LAMA2: variants seen among roughly 807,000 people sequenced by gnomAD.
The protein encoded by LAMA2 is laminin subunit alpha-2.
Under a neutral mutation model 364.8 loss-of-function variants are expected in LAMA2, and 269 were observed. That is an observed-to-expected ratio of 0.74 (90% CI 0.67 to 0.82). LAMA2 has a LOEUF of 0.82. Among genes scored for constraint, LAMA2 ranks in the 40% least tolerant of loss-of-function variants. The probability of loss-of-function intolerance (pLI) is 0.00; values close to 1 mark genes in which losing one functional copy is unlikely to be tolerated. For synonymous variants in LAMA2, 1,379 were observed against 1,370.6 expected, an observed-to-expected ratio of 1.01 and a Z score of -0.14; for missense variants, 3,807 against 3,873.2, an observed-to-expected ratio of 0.98 and a Z score of 0.45.
intron 22 of LAMA2, 104 bp downstream of exon 22, chr6:129,300,976 A>G: frequency 1.1e-6 from 1 of 939,372 alleles, no homozygotes; most frequent in Admixed American, 1.7e-5. Context: ...TCACAAAATA[A>G]TGTAGAAGTA....
intron 8 of LAMA2, chr6:129,158,877 A>G (rs1440275026): frequency 9.3e-6 from 15 of 1,612,930 alleles, no homozygotes; most frequent in Admixed American, 5.0e-5. Context: ...ATGGCAAAGC[A>G]ACGTCCATTA....
chr6:129,312,423 A>G (rs566555188), intron 22 of LAMA2, among the ~76,000 whole-genome samples: 5 of 152,334 alleles, frequency 3.3e-5, no homozygotes, highest in Admixed American at 6.5e-5. Context: ...TGCTTATTCT[A>G]TCATGTTATG....
In LAMA2 at chr6:129,456,458, A is replaced by C; in HGVS notation, c.6831A>C (p.Ala2277=). Residue 2277 remains alanine (A), a synonymous_variant, in exon 48 of 65, where the codon GCA becomes GCC. Coordinates refer to ENST00000421865, the MANE Select transcript of LAMA2 (RefSeq NM_000426.4). ...CGATTCTAGATGTGGATGCAAATGC[A>C]ATGCTGTTTGTTGGTGGCCTGACTG... ...GYTILDVDAN[A]MLFVGGLTGK... The C allele has an allele frequency of 6.2e-7, 1 of 1,613,564 alleles. No homozygotes were observed. The highest frequency in any genetic ancestry group is 8.5e-7 in the Non-Finnish European group (1 of 1,179,606).
At chr6:129,205,278 G>A (rs980068855) in intron 12 of LAMA2, among the ~76,000 whole-genome samples, 7 of 151,678 alleles carry the variant, frequency 4.6e-5, no homozygotes, top group African/African-American at 1.2e-4. Context: ...TGTAGTCCCA[G>A]CTACTTGAGA....
At chr6:128,950,443 C>G (rs955628661) in intron 1 of LAMA2, among the ~76,000 whole-genome samples, 11 of 152,092 alleles carry the variant, frequency 7.2e-5, no homozygotes, top group Non-Finnish European at 1.6e-4. Context: ...GGAGCCAGGC[C>G]ACGTGGGTAG....
At chr6:128,939,605 G>A (rs1010656368) in intron 1 of LAMA2, among the ~76,000 whole-genome samples, 3 of 152,046 alleles carry the variant, frequency 2.0e-5, no homozygotes, top group African/African-American at 7.2e-5. Context: ...TCCACCCAAC[G>A]ATGAAAGACC....
At chr6:128,888,847 T>G (rs1040681650) in intron 1 of LAMA2, among the ~76,000 whole-genome samples, 15 of 152,358 alleles carry the variant, frequency 9.8e-5, no homozygotes, top group Admixed American at 3.3e-4. Context: ...CAGGTTTTTT[T>G]GTCTCAAATA....
intron 11 of LAMA2, among the ~76,000 whole-genome samples, 174 bp from the exon 12 acceptor site, chr6:129,192,506 G>A (rs1008208049): frequency 5.3e-5 from 8 of 152,134 alleles, no homozygotes; most frequent in Non-Finnish European, 1.2e-4. Context: ...GCCTATGTGA[G>A]TACATATAAT....
chr6:129,276,907 A>T (rs1395136760), intron 17 of LAMA2, among the ~76,000 whole-genome samples: 1 of 152,164 alleles, frequency 6.6e-6, no homozygotes, highest in Non-Finnish European at 1.5e-5. Context: ...ATACATAAAC[A>T]TATATAGATT....
chr6:129,450,383 G>A (rs1307746523), intron 45 of LAMA2, among the ~76,000 whole-genome samples: 1 of 151,438 alleles, frequency 6.6e-6, no homozygotes, highest in Non-Finnish European at 1.5e-5. Flanking sequence ...ACAGTGGCAC[G>A]ATCTCAGCTC....
chr6:129,119,838 G>C (rs7758532), intron 4 of LAMA2, among the ~76,000 whole-genome samples: 38,958 of 152,078 alleles, frequency 0.26, 5,773 homozygotes, highest in African/African-American at 0.42. Flanking sequence ...GTGAGCCACT[G>C]CTCCCGGCCC....
chr6:129,134,500 T>G (rs1286166286), intron 4 of LAMA2, among the ~76,000 whole-genome samples: 1 of 152,110 alleles, frequency 6.6e-6, no homozygotes, highest in Non-Finnish European at 1.5e-5. Flanking sequence ...TCCCCAACCT[T>G]TTTGGTACCA....
At chr6:129,255,985 T>C (rs762176706) in intron 14 of LAMA2, among the ~76,000 whole-genome samples, 1 of 152,226 alleles carries the variant, frequency 6.6e-6, no homozygotes, top group Non-Finnish European at 1.5e-5. Flanking sequence ...TCCATAAGTG[T>C]TGGATTCGTT....
intron 4 of LAMA2, among the ~76,000 whole-genome samples, chr6:129,113,092 G>A (rs1776252116): frequency 6.6e-6 from 1 of 152,012 alleles, no homozygotes; most frequent in African/African-American, 2.4e-5. Context: ...AGCAGCATAA[G>A]GAATAGAAAC....
In LAMA2 at chr6:128,960,462, AC is replaced by A. The variant is rs201946370; in HGVS notation, c.112+77109del. On this transcript the variant is annotated intron_variant, in intron 1 of 64. Transcript: ENST00000421865. The stretch of plus-strand genomic sequence containing the variant: ...CCAGCGATTCTCCGGCCTTGGCCCC[AC>A]CCCGCCCCCGCCGACCCCCATGAGT... Among the ~76,000 whole-genome samples the A allele has an allele frequency of 6.0e-5, 6 of 99,584 alleles. 1 individual carries two copies. The highest frequency in any genetic ancestry group is 2.4e-4 in the African/African-American group (6 of 24,912). The allele number at this position is 99,584 out of a possible 152,430, so 65.3% of individuals were successfully genotyped here.
rs1041484436 is a variant in LAMA2 at position 128,986,732 on chromosome 6, T to TA, written c.113-63177dup. ...CATCTACAATCAAATTACCTTTTTT[T>TA]AAAAAAAAATCACTTGAAAAAATTA... On this transcript the variant is annotated intron_variant, in intron 1 of 64. Transcript: ENST00000421865. Among the ~76,000 whole-genome samples the TA allele has an allele frequency of 4.2e-3, 630 of 151,626 alleles. 4 individuals carry two copies. Among genetic ancestry groups the TA allele is most frequent in the African/African-American group, 0.013 (527 of 41,430 alleles).
intron 20 of LAMA2, chr6:129,292,995 G>A: frequency 1.0e-6 from 1 of 985,870 alleles, no homozygotes; most frequent in Non-Finnish European, 1.2e-6. Context: ...ACGGGTGCTG[G>A]GTTCTCCTCA....
chr6:129,404,991 A>C (rs1780171202), intron 40 of LAMA2, among the ~76,000 whole-genome samples: 1 of 152,058 alleles, frequency 6.6e-6, no homozygotes, highest in Non-Finnish European at 1.5e-5. Flanking sequence ...CTAATGCCAT[A>C]TGTTCTGTTG....
chr6:129,350,852 T>A (rs1273434721), intron 31 of LAMA2, among the ~76,000 whole-genome samples: 2 of 152,218 alleles, frequency 1.3e-5, no homozygotes, highest in African/African-American at 2.4e-5. Flanking sequence ...GTAAAATATA[T>A]TTCTAAATAA....
Sources: gnomAD v4.1 joint callset for allele counts (sites outside exome capture counted in the v4.1 genomes callset) on GRCh38, gnomAD v4.1.1 for gene constraint, MANE v1.5 for transcripts, NCBI Gene and HGNC (gene_info 2026-07-23, HGNC 2026-07-21) for gene names.